Variants in TTLL6 observed in about 807,000 individuals in gnomAD.
The protein encoded by TTLL6 is tubulin tyrosine ligase like 6.
A neutral mutation model predicts 96.4 loss-of-function variants in TTLL6; 75 were observed. The observed-to-expected ratio is 0.78, with a 90% CI of 0.65 to 0.94. TTLL6 has a LOEUF of 0.94. Ranked by LOEUF, TTLL6 falls within the 40% of genes least tolerant of loss-of-function variation. The pLI is 0.00. For missense variants in TTLL6, 1,030 were observed against 1,093.0 expected (o/e 0.94, Z 0.81); for synonymous variants, 411 against 419.4 (o/e 0.98, Z 0.24).
At chr17:48,812,468 GA>G (rs1208235565) in intron 1 of TTLL6, among the ~76,000 whole-genome samples, 11 of 152,238 alleles carry the variant, frequency 7.2e-5, no homozygotes, top group African/African-American at 2.2e-4. Context: ...CTAGTTGTCT[GA>G]ACTCAGGCAG....
Position 48,801,637 on chromosome 17 carries a change from C to T in TTLL6, c.368G>A (p.Arg123Lys). 1 of 1,551,444 alleles carries T rather than the reference C, an allele frequency of 6.4e-7. No homozygotes were observed. Among genetic ancestry groups the T allele is most frequent in the Non-Finnish European group, 8.7e-7 (1 of 1,146,824 alleles). The change falls in exon 4 of 16, where the codon AGG becomes AAG. Residue 123 changes from arginine to lysine, a missense_variant. Coordinates refer to ENST00000393382, the MANE Select transcript of TTLL6 (RefSeq NM_001130918.3). ...LSSCRYESVR[R>K]AAQQYGFREG... Reference sequence around the variant, plus strand: ...TCTAAAGCCGTACTGTTGGGCAGCCCTGCGCACTATTGAAGAAAGAAAGGC... The same window carrying T: ...TCTAAAGCCGTACTGTTGGGCAGCCTTGCGCACTATTGAAGAAAGAAAGGC...
At chr17:48,794,594 G>C (rs1425645842) in intron 8 of TTLL6, among the ~76,000 whole-genome samples, 1 of 152,202 alleles carries the variant, frequency 6.6e-6, no homozygotes, top group African/African-American at 2.4e-5. Flanking sequence ...CAGCCCAGGT[G>C]GGGAGGAGAG....
intron 15 of TTLL6, among the ~76,000 whole-genome samples, 183 bp downstream of exon 15, chr17:48,768,806 T>C (rs2038669935): frequency 6.6e-6 from 1 of 152,220 alleles, no homozygotes; most frequent in Admixed American, 6.5e-5. Context: ...CCTCCCAAAG[T>C]GCTGGGATTA....
intron 13 of TTLL6, among the ~76,000 whole-genome samples, chr17:48,779,207 T>C (rs1038811985): frequency 8.6e-5 from 13 of 150,890 alleles, no homozygotes; most frequent in Admixed American, 6.6e-4. Context: ...CAATGAGATA[T>C]CAAAACATAG....
chr17:48,793,532 T>C (rs984073711), intron 8 of TTLL6, among the ~76,000 whole-genome samples: 5 of 151,622 alleles, frequency 3.3e-5, no homozygotes, highest in Admixed American at 3.3e-4. Context: ...GTCGAAACTT[T>C]TGCAGTGAGC....
At chr17:48,783,582 C>T (rs985576515) in intron 13 of TTLL6, among the ~76,000 whole-genome samples, 4 of 151,974 alleles carry the variant, frequency 2.6e-5, no homozygotes, top group African/African-American at 9.7e-5. Context: ...CAGGCATGCA[C>T]CATCACACCT....
chr17:48,770,370 T>A (rs1378054464), intron 13 of TTLL6, among the ~76,000 whole-genome samples: 1 of 151,956 alleles, frequency 6.6e-6, no homozygotes, highest in African/African-American at 2.4e-5. Flanking sequence ...TTAGAATAGT[T>A]TCCTCACCAT....
chr17:48,772,204 G>C lies in TTLL6; in HGVS notation c.2041-2107C>G, dbSNP rs568532717. Among the ~76,000 whole-genome samples the C allele has an allele frequency of 5.3e-5, 8 of 152,250 alleles. No individual in the cohort carries two copies. In the East Asian group the frequency reaches 1.5e-3, roughly 29 times the overall value. ...AAAAGTAGTCAATACACTAAGACCA[G>C]CTGGCCGCAGTGGCTCATACCTATA... On this transcript the variant is annotated intron_variant, in intron 13 of 15. Transcript: ENST00000393382.
intron 1 of TTLL6, among the ~76,000 whole-genome samples, chr17:48,808,246 A>G (rs904781444): frequency 2.6e-5 from 4 of 152,208 alleles, no homozygotes; most frequent in Non-Finnish European, 4.4e-5. Flanking sequence ...CAATTTTAAT[A>G]TTATACAAAT....
At chr17:48,802,082 GAAAGAAAGAAAGAAA>G (rs1280010010) in intron 3 of TTLL6, among the ~76,000 whole-genome samples, 15 of 1,510 alleles carry the variant, frequency 9.9e-3, no homozygotes, top group African/African-American at 0.021. Context: ...GAAAGAAAAA[GAAAGAAAGAAAGAAA>G]GAAAGAAAGA....
intron 13 of TTLL6, among the ~76,000 whole-genome samples, chr17:48,781,517 T>C (rs1160595848): frequency 1.3e-5 from 2 of 152,232 alleles, no homozygotes; most frequent in African/African-American, 2.4e-5. Flanking sequence ...TATGAGGTGA[T>C]ATTTCATGGT....
chr17:48,795,598 G>C (rs1261290239), intron 8 of TTLL6, among the ~76,000 whole-genome samples: 3 of 152,136 alleles, frequency 2.0e-5, no homozygotes, highest in Non-Finnish European at 2.9e-5. Flanking sequence ...GAATCTTCAA[G>C]CCGGCTAGCC....
intron 15 of TTLL6, among the ~76,000 whole-genome samples, chr17:48,768,429 C>A (rs1426265142): frequency 6.6e-6 from 1 of 152,138 alleles, no homozygotes; most frequent in Non-Finnish European, 1.5e-5. Context: ...TGCCACCATG[C>A]CCAGCTAATT....
chr17:48,803,483 C>CA (rs201221997), intron 3 of TTLL6, among the ~76,000 whole-genome samples: 1,292 of 54,994 alleles, frequency 0.023, 14 homozygotes, highest in African/African-American at 0.051. Flanking sequence ...GATTCCGTGT[C>CA]AAAAAAAAAA....
intron 8 of TTLL6, among the ~76,000 whole-genome samples, chr17:48,792,877 C>A (rs1263182038): frequency 1.3e-5 from 2 of 152,046 alleles, no homozygotes; most frequent in Non-Finnish European, 2.9e-5. Flanking sequence ...ATAAATTTTC[C>A]TGAAATAGAT....
At position 48,790,080 on chromosome 17, in the gene TTLL6, G is replaced by A. The variant is rs1057418298; in HGVS notation, c.1251C>T (p.Thr417=). Residue 417 remains threonine (T), a synonymous_variant, in exon 10 of 16, where the codon ACC becomes ACT. Transcript: ENST00000393382. ...LEVNHSPSFS[T]DSRLDKEVKD... ...TCACCTCTTTATCCAACCGAGAGTC[G>A]GTGGAGAAGCTTGGAGAGTGGTTGA... 35 of 1,613,856 alleles carry A rather than the reference G, an allele frequency of 2.2e-5. No homozygotes were observed. The highest frequency in any genetic ancestry group is 2.6e-5 in the Non-Finnish European group (31 of 1,179,948).
intron 1 of TTLL6, among the ~76,000 whole-genome samples, chr17:48,809,129 A>G (rs1011070576): frequency 6.7e-6 from 1 of 149,492 alleles, no homozygotes; most frequent in African/African-American, 2.5e-5. Flanking sequence ...ACGTCAGCCA[A>G]GGATTGCCAC....
At position 48,799,664 on chromosome 17, in the gene TTLL6, G is replaced by C; in HGVS notation, c.708C>G (p.Thr236=). 1 of 1,551,850 alleles carries C rather than the reference G, an allele frequency of 6.4e-7. No homozygotes were observed. Among genetic ancestry groups the C allele is most frequent in the Non-Finnish European group, 8.7e-7 (1 of 1,147,010 alleles). Residue 236 remains threonine, a synonymous_variant, in exon 6 of 16, where the codon ACC becomes ACG. Coordinates refer to ENST00000393382, the MANE Select transcript of TTLL6 (RefSeq NM_001130918.3). ...SGCQGKGIFI[T]RTVKEIKPGE... ...CTGGTTTGATTTCTTTCACTGTCCG[G>C]GTGATGAATATACCTTTCCCTTGGC...
At chr17:48,809,680 G>A (rs183335068) in intron 1 of TTLL6, among the ~76,000 whole-genome samples, 38 of 151,986 alleles carry the variant, frequency 2.5e-4, no homozygotes, top group Non-Finnish European at 4.7e-4. Flanking sequence ...GCAACAAAGT[G>A]AGACCCCATC....
Sources: allele counts gnomAD v4.1 joint callset (sites outside exome capture counted in the v4.1 genomes callset), GRCh38; gene constraint gnomAD v4.1.1; transcripts MANE v1.5; gene names NCBI Gene and HGNC (gene_info 2026-07-23, HGNC 2026-07-21).